Variants in PCDH9 observed in about 807,000 individuals in gnomAD.
PCDH9 encodes protocadherin 9, also known as protocadherin-9.
Under a neutral mutation model 70.6 loss-of-function variants are expected in PCDH9, and 24 were observed. The ratio of observed to expected loss-of-function variants is 0.34; its 90% CI spans 0.25 to 0.48. The LOEUF (loss-of-function observed/expected upper bound fraction) is 0.48, where lower values mean the gene tolerates loss of function less well. Ranked by LOEUF, PCDH9 falls within the 20% of genes least tolerant of loss-of-function variation. The pLI is 0.99. For synonymous variants in PCDH9, 562 were observed against 558.5 expected (o/e 1.01, Z -0.09); for missense variants, 1,281 against 1,503.6 (o/e 0.85, Z 2.45).
At chr13:66,455,390 T>C (rs1321934785) in intron 4 of PCDH9, among the ~76,000 whole-genome samples, 1 of 151,968 alleles carries the variant, frequency 6.6e-6, no homozygotes, top group African/African-American at 2.4e-5. Context: ...TAATAGTTTT[T>C]GGTCATTTTT....
At chr13:66,660,359 T>C (rs2077992375) in intron 3 of PCDH9, among the ~76,000 whole-genome samples, 1 of 100,316 alleles carries the variant, frequency 1.0e-5, no homozygotes, top group East Asian at 2.4e-4. Context: ...AATGAATCAC[T>C]GCACTGTCTG....
intron 4 of PCDH9, among the ~76,000 whole-genome samples, chr13:66,450,831 T>C (rs534407836): frequency 1.2e-3 from 190 of 152,228 alleles, no homozygotes; most frequent in Non-Finnish European, 1.8e-3. Context: ...CTGGCTAACA[T>C]GGTGAAACCC....
intron 3 of PCDH9, among the ~76,000 whole-genome samples, chr13:66,747,164 A>G (rs1451734523): frequency 5.3e-5 from 8 of 152,192 alleles, no homozygotes. Flanking sequence ...AGTCTGGCCA[A>G]CATAGTGAAA....
intron 2 of PCDH9, chr13:66,985,750 T>A (rs949225492): frequency 2.0e-5 from 3 of 152,024 alleles, no homozygotes; most frequent in Non-Finnish European, 2.9e-5. Flanking sequence ...AGCATGTAAA[T>A]TAGTAAAATA....
chr13:67,133,813 C>A (rs2087165680), intron 2 of PCDH9, among the ~76,000 whole-genome samples: 1 of 152,000 alleles, frequency 6.6e-6, no homozygotes, highest in African/African-American at 2.4e-5. Context: ...ATAAATTAAT[C>A]AAAATCAATG....
chr13:66,535,703 G>A (rs1210955173), intron 4 of PCDH9, among the ~76,000 whole-genome samples: 5 of 151,998 alleles, frequency 3.3e-5, no homozygotes, highest in East Asian at 1.9e-4. Flanking sequence ...CTAGAGGATC[G>A]TAGACTCAAG....
chr13:66,636,951 A>G (rs1395365606), intron 3 of PCDH9, among the ~76,000 whole-genome samples: 1 of 152,164 alleles, frequency 6.6e-6, no homozygotes, highest in Non-Finnish European at 1.5e-5. Context: ...AGCAAAGGAA[A>G]TCATTCCAAA....
intron 2 of PCDH9, among the ~76,000 whole-genome samples, chr13:66,915,434 G>C (rs2082541361): frequency 6.6e-6 from 1 of 151,568 alleles, no homozygotes; most frequent in African/African-American, 2.4e-5. Flanking sequence ...GATGTTGCTA[G>C]ACTACTCACA....
chr13:66,409,595 C>T (rs1957337971), intron 4 of PCDH9, among the ~76,000 whole-genome samples: 1 of 152,262 alleles, frequency 6.6e-6, no homozygotes, highest in Non-Finnish European at 1.5e-5. Flanking sequence ...TTGTCACCAG[C>T]ACCGAAACTA....
intron 4 of PCDH9, among the ~76,000 whole-genome samples, chr13:66,613,141 G>A (rs1005561108): frequency 1.3e-5 from 2 of 152,062 alleles, no homozygotes; most frequent in African/African-American, 4.8e-5. Flanking sequence ...TGCAAGCAGC[G>A]GCTCCCCTCC....
intron 3 of PCDH9, among the ~76,000 whole-genome samples, chr13:66,658,527 C>T (rs1593850144): frequency 6.6e-6 from 1 of 152,052 alleles, no homozygotes; most frequent in Non-Finnish European, 1.5e-5. Context: ...TTTATCTTTT[C>T]TCTACAGCAT....
chr13:66,724,579 C>A (rs2078981986), intron 3 of PCDH9, among the ~76,000 whole-genome samples: 1 of 152,156 alleles, frequency 6.6e-6, no homozygotes, highest in Non-Finnish European at 1.5e-5. Context: ...GGAAGCCAAA[C>A]CACAATCTCT....
chr13:66,470,080 G>A (rs1958588727), intron 4 of PCDH9, among the ~76,000 whole-genome samples: 1 of 152,062 alleles, frequency 6.6e-6, no homozygotes, highest in South Asian at 2.1e-4. Flanking sequence ...TTGTTTCACA[G>A]GAATGATTTT....
At chr13:66,309,193 A>G (rs561415921) in intron 4 of PCDH9, among the ~76,000 whole-genome samples, 1 of 152,162 alleles carries the variant, frequency 6.6e-6, no homozygotes, top group African/African-American at 2.4e-5. Flanking sequence ...TATTAAGGAG[A>G]AAACAAAACA....
chr13:66,813,100 A>G (rs1443896656), intron 3 of PCDH9, among the ~76,000 whole-genome samples: 1 of 152,204 alleles, frequency 6.6e-6, no homozygotes, highest in East Asian at 1.9e-4. Context: ...AGCATTAGGA[A>G]TTGAATCAGT....
intron 4 of PCDH9, among the ~76,000 whole-genome samples, chr13:66,361,405 T>A (rs910448764): frequency 6.6e-5 from 10 of 152,126 alleles, no homozygotes; most frequent in Non-Finnish European, 1.5e-4. Flanking sequence ...TGCAAATATA[T>A]CCACAATAAT....
chr13:66,638,515 G>A (rs941157945), intron 3 of PCDH9, among the ~76,000 whole-genome samples: 1 of 152,166 alleles, frequency 6.6e-6, no homozygotes, highest in Non-Finnish European at 1.5e-5. Context: ...AAGACTGCTA[G>A]AGTAATTCTG....
In PCDH9 at chr13:66,890,097, T is replaced by C. The variant is rs565224706; in HGVS notation, c.3138+13407A>G. Among the ~76,000 whole-genome samples the C allele has an allele frequency of 3.2e-4, 49 of 152,286 alleles. 1 individual carries two copies. In the South Asian group the frequency reaches 9.5e-3, roughly 30 times the overall value. Reference sequence around the variant, plus strand: ...AGCAGAGCCCGGGTATCTGGCAATATATTAGGTTTGTAAATTATCATGTCA... The same window carrying C: ...AGCAGAGCCCGGGTATCTGGCAATACATTAGGTTTGTAAATTATCATGTCA... On this transcript the variant is annotated intron_variant, in intron 3 of 4. Coordinates refer to ENST00000377865, the MANE Select transcript of PCDH9 (RefSeq NM_203487.3).
intron 2 of PCDH9, among the ~76,000 whole-genome samples, chr13:66,953,558 T>G (rs1225759969): frequency 1.3e-5 from 2 of 152,212 alleles, no homozygotes; most frequent in African/African-American, 2.4e-5. Context: ...ATTATTCAAG[T>G]GATTGATAAC....
Sources: allele counts gnomAD v4.1 joint callset (sites outside exome capture counted in the v4.1 genomes callset), GRCh38; gene constraint gnomAD v4.1.1; transcripts MANE v1.5; gene names NCBI Gene and HGNC (gene_info 2026-07-23, HGNC 2026-07-21).